Variants in CNTN6 observed in about 807,000 individuals in gnomAD.
CNTN6 encodes contactin-6.
Under a neutral mutation model 122.8 loss-of-function variants are expected in CNTN6, and 137 were observed. The observed-to-expected ratio is 1.12, with a 90% CI of 0.97 to 1.29. The LOEUF is 1.29. Among genes scored for constraint, CNTN6 ranks in the 50% most tolerant of loss-of-function variants. The pLI, the probability that CNTN6 is intolerant of heterozygous loss-of-function variation, is 0.00. For missense variants in CNTN6, 1,634 were observed against 1,223.4 expected, an observed-to-expected ratio of 1.34 and a Z score of -5.01; for synonymous variants, 570 against 426.0, an observed-to-expected ratio of 1.34 and a Z score of -4.16.
At chr3:1,346,626 C>T (rs1415465299) in intron 11 of CNTN6, among the ~76,000 whole-genome samples, 4 of 152,074 alleles carry the variant, frequency 2.6e-5, no homozygotes, top group African/African-American at 4.8e-5. Flanking sequence ...GCTGCCCAAC[C>T]GTGAGCCTTC....
chr3:1,228,614 A>C (rs1432878225), intron 4 of CNTN6, among the ~76,000 whole-genome samples: 1 of 152,170 alleles, frequency 6.6e-6, no homozygotes, highest in African/African-American at 2.4e-5. Flanking sequence ...AATGTTTCAT[A>C]CTGGATTCAG....
chr3:1,385,898 ATTGGTTACT>A, intron 20 of CNTN6, 101 bp downstream of exon 20: 4 of 1,169,954 alleles, frequency 3.4e-6, no homozygotes, highest in South Asian at 1.7e-5. Context: ...TTCTTTACTA[ATTGGTTACT>A]TTGGTTAGTT....
At chr3:1,325,680 C>G in intron 8 of CNTN6, 135 bp from the exon 9 acceptor site, 1 of 740,454 alleles carries the variant, frequency 1.4e-6, no homozygotes, top group East Asian at 2.8e-5. Context: ...ATGTCCCCTC[C>G]CTCAAATCGT....
chr3:1,373,530 A>T lies in CNTN6; in HGVS notation c.1787-74A>T, dbSNP rs1709395995. On this transcript the variant is annotated intron_variant, in intron 14 of 22. Coordinates refer to ENST00000446702, the MANE Select transcript of CNTN6 (RefSeq NM_001289080.2). ...TTACTTCCTAAGCACAACAGGTAAAAATAAACCATCCTAGTACCAAATTAA... is the reference window on the plus strand; with the variant it reads ...TTACTTCCTAAGCACAACAGGTAAATATAAACCATCCTAGTACCAAATTAA... 3 of 1,446,242 alleles carry T rather than the reference A, an allele frequency of 2.1e-6. No individual in the cohort carries two copies. The South Asian group carries it at 3.8e-5, about 19-fold the overall frequency. 89.6% of individuals were successfully genotyped at this position (1,446,242 alleles called of 1,614,324 possible).
rs1166705887 is a variant in CNTN6 at position 1,387,368 on chromosome 3, A to C, written c.2704+1571A>C. On this transcript the variant is annotated intron_variant, in intron 20 of 22. Transcript: ENST00000446702. ...TTCCTGTTTTACTCAATGTTGACTA[A>C]ATCAATGAAGTTGTTGCCAGATAAC... Among the ~76,000 whole-genome samples the C allele has an allele frequency of 2.0e-5, 3 of 152,208 alleles. No homozygotes were observed. In the East Asian group the frequency reaches 5.8e-4, roughly 29 times the overall value.
intron 2 of CNTN6, among the ~76,000 whole-genome samples, chr3:1,192,480 T>C (rs1168085404): frequency 6.6e-6 from 1 of 152,184 alleles, no homozygotes; most frequent in Admixed American, 6.5e-5. Context: ...GCAGCATTTG[T>C]AGGCAAAGGT....
At chr3:1,165,878 A>G (rs2093236943) in intron 2 of CNTN6, among the ~76,000 whole-genome samples, 1 of 152,006 alleles carries the variant, frequency 6.6e-6, no homozygotes, top group Non-Finnish European at 1.5e-5. Context: ...AGCACTCCCC[A>G]TTTCTTACAG....
At chr3:1,113,441 T>A (rs1009852225) in intron 1 of CNTN6, among the ~76,000 whole-genome samples, 1 of 152,176 alleles carries the variant, frequency 6.6e-6, no homozygotes, top group Admixed American at 6.5e-5. Flanking sequence ...CAAATTATCA[T>A]ATGAAAAATG....
At chr3:1,348,862 A>G (rs753105096) in intron 11 of CNTN6, among the ~76,000 whole-genome samples, 2 of 151,956 alleles carry the variant, frequency 1.3e-5, no homozygotes, top group Admixed American at 1.3e-4. Flanking sequence ...GCATTCGATG[A>G]GTTGACATTT....
At chr3:1,304,603 C>G (rs796134435) in intron 7 of CNTN6, among the ~76,000 whole-genome samples, 3 of 152,136 alleles carry the variant, frequency 2.0e-5, no homozygotes, top group Admixed American at 6.5e-5. Context: ...TTAAAAAATG[C>G]TTTATCTAGG....
At chr3:1,213,956 TG>T (rs2094087655) in intron 2 of CNTN6, among the ~76,000 whole-genome samples, 1 of 152,130 alleles carries the variant, frequency 6.6e-6, no homozygotes, top group Non-Finnish European at 1.5e-5. Flanking sequence ...ATAGACTTTT[TG>T]CTGTGAAAGA....
chr3:1,343,356 T>G (rs1704172068), intron 11 of CNTN6, among the ~76,000 whole-genome samples: 1 of 152,152 alleles, frequency 6.6e-6, no homozygotes, highest in African/African-American at 2.4e-5. Flanking sequence ...CCAACTCCAT[T>G]TCTTTGCATC....
intron 3 of CNTN6, among the ~76,000 whole-genome samples, chr3:1,225,023 C>T (rs1379589881): frequency 3.3e-5 from 5 of 152,148 alleles, no homozygotes; most frequent in African/African-American, 9.7e-5. Flanking sequence ...GCTGGGATTA[C>T]AGGCGTGAAC....
chr3:1,398,530 G>C (rs1481971869), intron 20 of CNTN6, among the ~76,000 whole-genome samples: 5 of 152,084 alleles, frequency 3.3e-5, no homozygotes, highest in Non-Finnish European at 7.4e-5. Flanking sequence ...TTCAGAGTTG[G>C]ATTATTAGCA....
intron 7 of CNTN6, among the ~76,000 whole-genome samples, chr3:1,300,585 GAAAGAAAGAAAGAAAGAA>G: frequency 8.3e-6 from 1 of 121,030 alleles, no homozygotes; most frequent in African/African-American, 4.5e-5. Context: ...AAGAAAGAAA[GAAAGAAAGAAAGAAAGAA>G]AGAGAGAAAG....
chr3:1,140,516 A>G (rs903807829), intron 1 of CNTN6, among the ~76,000 whole-genome samples: 16 of 152,204 alleles, frequency 1.1e-4, no homozygotes, highest in African/African-American at 3.6e-4. Flanking sequence ...GAAAATAGAA[A>G]GCTGACTTCT....
At chr3:1,191,158 T>C (rs1169940297) in intron 2 of CNTN6, among the ~76,000 whole-genome samples, 1 of 152,064 alleles carries the variant, frequency 6.6e-6, no homozygotes, top group African/African-American at 2.4e-5. Flanking sequence ...CTAGTATTTG[T>C]TTTTTGTCCC....
intron 2 of CNTN6, among the ~76,000 whole-genome samples, chr3:1,179,722 G>A (rs2093518934): frequency 6.6e-6 from 1 of 152,092 alleles, no homozygotes; most frequent in Non-Finnish European, 1.5e-5. Flanking sequence ...TCCTCCCCAT[G>A]TTTTGTACAA....
At chr3:1,253,025 T>C (rs1042158041) in intron 4 of CNTN6, among the ~76,000 whole-genome samples, 3 of 152,214 alleles carry the variant, frequency 2.0e-5, no homozygotes, top group Non-Finnish European at 4.4e-5. Context: ...TAAGATTGTA[T>C]TTAGAGACAG....
Sources: gnomAD v4.1 joint callset for allele counts (sites outside exome capture counted in the v4.1 genomes callset) on GRCh38, gnomAD v4.1.1 for gene constraint, MANE v1.5 for transcripts, NCBI Gene and HGNC (gene_info 2026-07-23, HGNC 2026-07-21) for gene names.